Variants in TSHZ2 observed in about 807,000 individuals in gnomAD.
The protein encoded by TSHZ2 is teashirt homolog 2.
Under a neutral mutation model 74.4 loss-of-function variants are expected in TSHZ2, and 21 were observed. That is an observed-to-expected ratio of 0.28 (90% confidence interval 0.20 to 0.41). The LOEUF (loss-of-function observed/expected upper bound fraction) is 0.41, where lower values mean the gene tolerates loss of function less well. Among genes scored for constraint, TSHZ2 ranks in the 10% least tolerant of loss-of-function variants. The probability of loss-of-function intolerance (pLI) is 1.00; values close to 1 mark genes in which losing one functional copy is unlikely to be tolerated. For synonymous variants in TSHZ2, 540 were observed against 515.3 expected, an observed-to-expected ratio of 1.05 and a Z score of -0.65; for missense variants, 1,244 against 1,293.5, an observed-to-expected ratio of 0.96 and a Z score of 0.59.
At chr20:53,310,329 A>G (rs1288382065) in intron 2 of TSHZ2, among the ~76,000 whole-genome samples, 2 of 152,246 alleles carry the variant, frequency 1.3e-5, no homozygotes, top group Non-Finnish European at 2.9e-5. Context: ...ATCAGAGGAT[A>G]TCAACTAGTA....
intron 2 of TSHZ2, among the ~76,000 whole-genome samples, chr20:53,314,569 T>C (rs1978921266): frequency 6.6e-6 from 1 of 151,772 alleles, no homozygotes; most frequent in South Asian, 2.1e-4. Flanking sequence ...TCCACCTGAT[T>C]GCTCTCCTTC....
At chr20:53,051,388 G>A (rs903234942) in intron 1 of TSHZ2, among the ~76,000 whole-genome samples, 1 of 149,994 alleles carries the variant, frequency 6.7e-6, no homozygotes, top group African/African-American at 2.4e-5. Flanking sequence ...AATGTATTTT[G>A]GTAAAAATGA....
intron 2 of TSHZ2, among the ~76,000 whole-genome samples, chr20:53,484,251 C>T (rs1331514945): frequency 7.9e-5 from 12 of 152,158 alleles, no homozygotes; most frequent in Non-Finnish European, 1.3e-4. Flanking sequence ...AAGGCATTCA[C>T]CTGTAATCTA....
At chr20:53,196,366 T>TAAAAAAAAAAAAAAAAAAAAAAA (rs34385917) in intron 1 of TSHZ2, 3 of 109,678 alleles carry the variant, frequency 2.7e-5, no homozygotes, top group African/African-American at 9.3e-5. Context: ...AATCTGCTGC[T>TAAAAAAAAAAAAAAAAAAAAAAA]AAAAAAAAAA....
intron 1 of TSHZ2, among the ~76,000 whole-genome samples, chr20:53,082,444 T>C (rs140564555): frequency 6.6e-6 from 1 of 152,256 alleles, no homozygotes; most frequent in South Asian, 2.1e-4. Flanking sequence ...TAATTACCTG[T>C]GTAGAACACG....
chr20:53,414,700 C>T (rs949717284), intron 2 of TSHZ2, among the ~76,000 whole-genome samples: 4 of 152,040 alleles, frequency 2.6e-5, no homozygotes, highest in African/African-American at 9.7e-5. Context: ...AAGAACAAGC[C>T]AGGACTATTC....
chr20:53,208,940 G>A (rs921128541), intron 1 of TSHZ2, among the ~76,000 whole-genome samples: 2 of 152,170 alleles, frequency 1.3e-5, no homozygotes, highest in Admixed American at 1.3e-4. Context: ...TTCCAAGTAT[G>A]CATTGCTTAC....
Position 53,469,555 on chromosome 20 carries a change from G to GGGAAGGAAGGAAGGAA in TSHZ2, c.*9-17561_*9-17546dup, listed in dbSNP as rs142116366. On this transcript the variant is annotated intron_variant, in intron 2 of 2. Coordinates refer to ENST00000371497, the MANE Select transcript of TSHZ2 (RefSeq NM_173485.6). ...ACTCTGTCAAGAAAAGAAAGAAGGAGGGAAGGAAGGAAGGAAGGAAGGAAG... is the reference window on the plus strand; with the variant it reads ...ACTCTGTCAAGAAAAGAAAGAAGGAGGGAAGGAAGGAAGGAAGGAAGGAAGGAAGGAAGGAAGGAAG... Among the ~76,000 whole-genome samples, 332 of 78,348 alleles carry GGGAAGGAAGGAAGGAA rather than the reference G, an allele frequency of 4.2e-3. 13 individuals are homozygous for GGGAAGGAAGGAAGGAA. Among genetic ancestry groups the GGGAAGGAAGGAAGGAA allele is most frequent in the African/African-American group, 0.013 (246 of 18,358 alleles). 51.4% of individuals were successfully genotyped at this position (78,348 alleles called of 152,430 possible).
intron 2 of TSHZ2, among the ~76,000 whole-genome samples, chr20:53,476,532 G>T (rs6013702): frequency 0.026 from 3,927 of 149,410 alleles, 176 homozygotes; most frequent in African/African-American, 0.093. Context: ...AGCTATCTAT[G>T]ACAAACCCAC....
intron 1 of TSHZ2, among the ~76,000 whole-genome samples, chr20:53,162,543 A>G (rs1244421678): frequency 6.6e-6 from 1 of 152,178 alleles, no homozygotes; most frequent in African/African-American, 2.4e-5. Context: ...AGTCATCAAA[A>G]AATTACGTCA....
intron 1 of TSHZ2, among the ~76,000 whole-genome samples, chr20:53,229,562 CTG>C (rs1287574322): frequency 2.6e-5 from 4 of 152,188 alleles, no homozygotes; most frequent in Non-Finnish European, 5.9e-5. Flanking sequence ...AGTGGTGTCT[CTG>C]TTGCCCATCC....
chr20:53,016,266 C>G lies in TSHZ2; in HGVS notation c.40+42933C>G, dbSNP rs1037703228. On this transcript the variant is annotated intron_variant, in intron 1 of 2. Transcript: ENST00000371497. ...TTCTCTTCCTCCTCCCTTCCCCTCC[C>G]CACTCATGACTTCTTTCGTCACTGT... 1.6e-4 allele frequency among the ~76,000 whole-genome samples: 24 copies of G among 152,182 alleles called. 1 individual carries two copies. The highest frequency in any genetic ancestry group is 5.8e-4 in the African/African-American group (24 of 41,454).
At position 52,975,216 on chromosome 20, in the gene TSHZ2, G is replaced by C. The variant is rs183212215; in HGVS notation, c.40+1883G>C. On this transcript the variant is annotated intron_variant, in intron 1 of 2. Transcript: ENST00000371497. ...TCCCGAAAGAGAACCCTGGGCTACG[G>C]TCCAGCAAGAAGTGATACTGCCCTG... 3.9e-5 allele frequency among the ~76,000 whole-genome samples: 6 copies of C among 152,094 alleles called. No homozygotes were observed. The East Asian group carries it at 1.2e-3, about 29-fold the overall frequency.
At chr20:53,006,916 G>C (rs1043154982) in intron 1 of TSHZ2, among the ~76,000 whole-genome samples, 2 of 128,774 alleles carry the variant, frequency 1.6e-5, no homozygotes, top group African/African-American at 5.8e-5. Flanking sequence ...GTAGGAGTTG[G>C]GAGAGTTAGA....
At chr20:53,235,416 C>T (rs375309931) in intron 1 of TSHZ2, among the ~76,000 whole-genome samples, 2 of 152,162 alleles carry the variant, frequency 1.3e-5, no homozygotes, top group South Asian at 4.2e-4. Flanking sequence ...GTGATCCACC[C>T]ACCTCAGCCT....
intron 1 of TSHZ2, among the ~76,000 whole-genome samples, chr20:53,065,969 C>T (rs1042456861): frequency 1.3e-5 from 2 of 152,184 alleles, no homozygotes; most frequent in African/African-American, 4.8e-5. Context: ...TCAGTTATCA[C>T]CTGTATCCAC....
At chr20:53,484,747 C>G (rs777925686) in intron 2 of TSHZ2, among the ~76,000 whole-genome samples, 1 of 152,062 alleles carries the variant, frequency 6.6e-6, no homozygotes, top group South Asian at 2.1e-4. Context: ...TATAAAGTGA[C>G]TGGAATTTGG....
At chr20:53,126,214 G>A (rs569832697) in intron 1 of TSHZ2, among the ~76,000 whole-genome samples, 2 of 152,156 alleles carry the variant, frequency 1.3e-5, no homozygotes, top group East Asian at 1.9e-4. Flanking sequence ...CATAAACATC[G>A]ATTAGATTTG....
chr20:53,247,143 C>G (rs1248632766), intron 1 of TSHZ2, among the ~76,000 whole-genome samples: 1 of 152,180 alleles, frequency 6.6e-6, no homozygotes, highest in Non-Finnish European at 1.5e-5. Flanking sequence ...TCTTCTCTCT[C>G]GATCCGTATA....
Sources: gnomAD v4.1 joint callset for allele counts (sites outside exome capture counted in the v4.1 genomes callset) on GRCh38, gnomAD v4.1.1 for gene constraint, MANE v1.5 for transcripts, NCBI Gene and HGNC (gene_info 2026-07-23, HGNC 2026-07-21) for gene names.